Variants in LPGAT1 observed in about 807,000 individuals in gnomAD.
LPGAT1 encodes the protein lysophosphatidylglycerol acyltransferase 1.
A neutral mutation model predicts 47.5 loss-of-function variants in LPGAT1; 11 were observed. The observed-to-expected ratio is 0.23, with a 90% CI of 0.15 to 0.38. The LOEUF (loss-of-function observed/expected upper bound fraction) is 0.38, where lower values mean the gene tolerates loss of function less well. LPGAT1 is among the 10% of genes least tolerant of loss of function. LPGAT1 has a pLI of 1.00. For synonymous variants in LPGAT1, 138 were observed against 144.2 expected (o/e 0.96, Z 0.31); for missense variants, 293 against 439.0 (o/e 0.67, Z 2.97).
chr1:211,801,241 A>G (rs1659563017), intron 2 of LPGAT1, among the ~76,000 whole-genome samples: 1 of 152,234 alleles, frequency 6.6e-6, no homozygotes, highest in Non-Finnish European at 1.5e-5. Flanking sequence ...TCTTATCACC[A>G]GGAATGGGGA....
At chr1:211,758,824 A>T (rs951889976) in intron 6 of LPGAT1, among the ~76,000 whole-genome samples, 3 of 152,172 alleles carry the variant, frequency 2.0e-5, no homozygotes, top group Non-Finnish European at 4.4e-5. Context: ...TTGCTGTAAA[A>T]TTTTTTATAG....
chr1:211,815,923 C>T (rs1180778473), intron 2 of LPGAT1, among the ~76,000 whole-genome samples: 6 of 151,788 alleles, frequency 4.0e-5, no homozygotes, highest in Admixed American at 6.6e-5. Context: ...GGACTACAGG[C>T]GCCCGCCACC....
chr1:211,829,595 G>C (rs537962110), intron 1 of LPGAT1: 2 of 1,236,670 alleles, frequency 1.6e-6, no homozygotes, highest in African/African-American at 3.0e-5. Context: ...TTCAGTAATC[G>C]GTGGCCGTCC....
chr1:211,785,768 A>G (rs1349951378), intron 4 of LPGAT1, among the ~76,000 whole-genome samples: 1 of 151,914 alleles, frequency 6.6e-6, no homozygotes, highest in African/African-American at 2.4e-5. Context: ...TACCATGCCC[A>G]GCCAATTTTT....
chr1:211,765,986 A>G (rs1183616062), intron 6 of LPGAT1, among the ~76,000 whole-genome samples: 1 of 152,136 alleles, frequency 6.6e-6, no homozygotes, highest in Non-Finnish European at 1.5e-5. Flanking sequence ...AAGGAGAACA[A>G]AAAGGTAGAG....
intron 6 of LPGAT1, among the ~76,000 whole-genome samples, chr1:211,775,469 A>G (rs1408948043): frequency 6.6e-6 from 1 of 152,238 alleles, no homozygotes; most frequent in Non-Finnish European, 1.5e-5. Context: ...GGCTCTCAGC[A>G]GACACCAAGA....
intron 2 of LPGAT1, among the ~76,000 whole-genome samples, chr1:211,812,219 G>A (rs1660014913): frequency 6.6e-6 from 1 of 152,168 alleles, no homozygotes; most frequent in Admixed American, 6.5e-5. Context: ...AGGCTTGGGA[G>A]GGCTTTCTTT....
At chr1:211,778,534 T>C (rs1658509773) in intron 6 of LPGAT1, among the ~76,000 whole-genome samples, 1 of 152,162 alleles carries the variant, frequency 6.6e-6, no homozygotes, top group South Asian at 2.1e-4. Flanking sequence ...AGACTCGCCC[T>C]GAATTCTTTC....
At chr1:211,825,094 T>G (rs1442209377) in intron 2 of LPGAT1, among the ~76,000 whole-genome samples, 1 of 152,106 alleles carries the variant, frequency 6.6e-6, no homozygotes, top group African/African-American at 2.4e-5. Context: ...CAGCCAGACT[T>G]TGGCCCATGA....
chr1:211,830,621 G>A lies in LPGAT1; in HGVS notation c.-76C>T. On this transcript the variant is annotated 5_prime_UTR_variant, in exon 1 of 8. Coordinates refer to ENST00000366997, the MANE Select transcript of LPGAT1 (RefSeq NM_014873.3). The surrounding 1 kb of genome is among the most constrained non-coding windows in gnomAD (Gnocchi z 5.9). ...GGGGCTTTGGGAGTCAGAGGAGCCG[G>A]AAGAATGCATGGCCGGCGGCGGGGC... The A allele has an allele frequency of 8.3e-7, 1 of 1,207,578 alleles. No homozygotes were observed. The highest frequency in any genetic ancestry group is 3.3e-4 in the Middle Eastern group (1 of 3,062). The allele number at this position is 1,207,578 out of a possible 1,614,324, so 74.8% of individuals were successfully genotyped here. A position where few individuals can be genotyped will look rare whatever the true frequency, so the allele number is the denominator to read the frequency against.
intron 2 of LPGAT1, among the ~76,000 whole-genome samples, chr1:211,826,841 A>G (rs185665449): frequency 1.2e-4 from 18 of 152,342 alleles, no homozygotes; most frequent in Non-Finnish European, 2.5e-4. Context: ...GGCAATGTTC[A>G]ATTTTCCATC....
chr1:211,755,533 T>G (rs1657404810), intron 6 of LPGAT1, among the ~76,000 whole-genome samples: 1 of 150,856 alleles, frequency 6.6e-6, no homozygotes, highest in African/African-American at 2.4e-5. Flanking sequence ...AAACCCAAAT[T>G]TAAGTGCGAG....
At chr1:211,762,174 A>C (rs1657726127) in intron 6 of LPGAT1, among the ~76,000 whole-genome samples, 1 of 152,266 alleles carries the variant, frequency 6.6e-6, no homozygotes, top group Admixed American at 6.5e-5. Flanking sequence ...TAGTATCTAA[A>C]ATATCTTTAT....
At chr1:211,811,739 G>A (rs1177904105) in intron 2 of LPGAT1, among the ~76,000 whole-genome samples, 4 of 151,848 alleles carry the variant, frequency 2.6e-5, no homozygotes, top group African/African-American at 9.7e-5. Flanking sequence ...ACTCCAGCCT[G>A]GGCGACAGAG....
chr1:211,824,175 T>C (rs781548046), intron 2 of LPGAT1, among the ~76,000 whole-genome samples: 3 of 151,824 alleles, frequency 2.0e-5, no homozygotes, highest in Middle Eastern at 3.2e-3. Context: ...GGTGGGCGGA[T>C]CACTTGAGGT....
At chr1:211,774,306 G>A (rs187972984) in intron 6 of LPGAT1, among the ~76,000 whole-genome samples, 17 of 151,560 alleles carry the variant, frequency 1.1e-4, no homozygotes, top group African/African-American at 4.1e-4. Context: ...TGGTAGAGAC[G>A]GGGTTTCACC....
Position 211,744,987 on chromosome 1 carries a change from G to GA in LPGAT1, c.*4911dup, listed in dbSNP as rs1289519637. The GA allele has an allele frequency of 6.6e-6, 1 of 152,378 alleles. No homozygotes were observed. The highest frequency in any genetic ancestry group is 2.4e-5 in the African/African-American group (1 of 41,360). 9.4% of individuals were successfully genotyped at this position (152,378 alleles called of 1,614,324 possible). A position where few individuals can be genotyped will look rare whatever the true frequency, so the allele number is the denominator to read the frequency against. On this transcript the variant is annotated 3_prime_UTR_variant, in exon 8 of 8. Transcript: ENST00000366997. Reference sequence around the variant, plus strand: ...GCTAAGAATTAAAAGCACTTTAATTGAAAAAAATCAACTTTATTTTTTCTA... The same window carrying GA: ...GCTAAGAATTAAAAGCACTTTAATTGAAAAAAAATCAACTTTATTTTTTCTA...
At chr1:211,826,412 T>C (rs368895367) in intron 2 of LPGAT1, among the ~76,000 whole-genome samples, 15 of 152,374 alleles carry the variant, frequency 9.8e-5, no homozygotes, top group East Asian at 3.9e-4. Context: ...GCTGTGATGA[T>C]AGAAGTGTTC....
chr1:211,779,687 C>T (rs952327535), intron 5 of LPGAT1, among the ~76,000 whole-genome samples: 53 of 151,950 alleles, frequency 3.5e-4, no homozygotes, highest in African/African-American at 1.2e-3. Context: ...CCCATCTCTA[C>T]TAAAAATACA....
Sources: gnomAD v4.1 joint callset for allele counts (sites outside exome capture counted in the v4.1 genomes callset) on GRCh38, gnomAD v4.1.1 for gene constraint, Gnocchi (gnomAD v3.1) non-coding constraint, MANE v1.5 for transcripts, NCBI Gene and HGNC (gene_info 2026-07-23, HGNC 2026-07-21) for gene names.